The following GLIS3 variants were observed in gnomAD, a reference collection of about 807,000 sequenced individuals.
GLIS3 encodes the protein GLIS family zinc finger 3, also known as zinc finger protein GLIS3.
A neutral mutation model predicts 78.6 loss-of-function variants in GLIS3; 53 were observed. That is an observed-to-expected ratio of 0.67 (90% confidence interval 0.54 to 0.85). The LOEUF is 0.85. Among genes scored for constraint, GLIS3 ranks in the 40% least tolerant of loss-of-function variants. The probability of loss-of-function intolerance (pLI) is 0.00; values close to 1 mark genes in which losing one functional copy is unlikely to be tolerated. For missense variants in GLIS3, 1,703 were observed against 1,231.1 expected (o/e 1.38, Z -5.74); for synonymous variants, 684 against 509.9 (o/e 1.34, Z -4.60).
chr9:4,129,896 G>A (rs190214887), intron 2 of GLIS3, among the ~76,000 whole-genome samples: 8 of 152,282 alleles, frequency 5.3e-5, no homozygotes, highest in African/African-American at 1.4e-4. Context: ...GAGACTGCCC[G>A]AATTATGACC....
At chr9:4,468,433 T>A in the GLIS3 span, among the ~76,000 whole-genome samples, 1 of 152,288 alleles carries the variant, frequency 6.6e-6, no homozygotes, top group African/African-American at 2.4e-5. Flanking sequence ...TAACAGCAGA[T>A]CTCTTGGCAG....
upstream of GLIS3, among the ~76,000 whole-genome samples, chr9:4,350,747 A>G (rs1009381852): frequency 6.6e-6 from 1 of 152,004 alleles, no homozygotes; most frequent in Non-Finnish European, 1.5e-5. Flanking sequence ...TGCTGCCTCT[A>G]TGTCTCTTCT....
intron 4 of GLIS3, among the ~76,000 whole-genome samples, chr9:4,094,250 G>A (rs1011820201): frequency 4.6e-5 from 7 of 152,194 alleles, no homozygotes; most frequent in African/African-American, 1.7e-4. Context: ...TTACCTACCA[G>A]ATTAGTAAAT....
At chr9:4,115,927 A>T (rs1469437753) in intron 4 of GLIS3, among the ~76,000 whole-genome samples, 1 of 152,134 alleles carries the variant, frequency 6.6e-6, no homozygotes, top group Non-Finnish European at 1.5e-5. Context: ...CATCTCCCAT[A>T]CCCATTCTGA....
chr9:4,132,587 G>C (rs551296597), intron 2 of GLIS3, among the ~76,000 whole-genome samples: 6 of 151,874 alleles, frequency 4.0e-5, no homozygotes, highest in African/African-American at 1.2e-4. Context: ...CTTATCAAAT[G>C]CCAACCACTA....
chr9:4,069,711 A>G (rs1287491434), intron 4 of GLIS3, among the ~76,000 whole-genome samples: 2 of 152,184 alleles, frequency 1.3e-5, no homozygotes, highest in Non-Finnish European at 2.9e-5. Context: ...GCATACTTAC[A>G]GGGAAATTAA....
At chr9:4,022,155 C>T (rs1015002739) in intron 4 of GLIS3, among the ~76,000 whole-genome samples, 19 of 151,968 alleles carry the variant, frequency 1.3e-4, no homozygotes, top group African/African-American at 4.6e-4. Flanking sequence ...CTTACAGCAG[C>T]CTGCTAAAAT....
chr9:4,412,704 C>G, the GLIS3 span, among the ~76,000 whole-genome samples: 2 of 152,250 alleles, frequency 1.3e-5, no homozygotes, highest in Non-Finnish European at 2.9e-5. Flanking sequence ...TCTTCCTGGG[C>G]CAGTAACTAG....
the GLIS3 span, among the ~76,000 whole-genome samples, chr9:4,409,908 T>A: frequency 2.6e-5 from 4 of 152,326 alleles, no homozygotes; most frequent in East Asian, 7.7e-4. Context: ...TTATTTTTAC[T>A]ATCTTTTTTG....
intron 2 of GLIS3, among the ~76,000 whole-genome samples, chr9:4,324,954 G>A (rs1228408439): frequency 6.6e-6 from 1 of 152,196 alleles, no homozygotes; most frequent in African/African-American, 2.4e-5. Flanking sequence ...AGAACTTACT[G>A]TGTGCTAGGT....
At chr9:4,461,990 T>C in the GLIS3 span, among the ~76,000 whole-genome samples, 1 of 152,182 alleles carries the variant, frequency 6.6e-6, no homozygotes, top group Non-Finnish European at 1.5e-5. Flanking sequence ...GTAAAAACTA[T>C]AAGATCTACA....
chr9:4,082,453 G>A (rs563332791), intron 4 of GLIS3, among the ~76,000 whole-genome samples: 70 of 152,236 alleles, frequency 4.6e-4, no homozygotes, highest in Non-Finnish European at 8.8e-4. Context: ...TTTGAAATGG[G>A]GTGGGCAAGA....
the GLIS3 span, among the ~76,000 whole-genome samples, chr9:4,467,951 G>C: frequency 6.6e-6 from 1 of 152,214 alleles, no homozygotes; most frequent in Non-Finnish European, 1.5e-5. Context: ...TAAATGACCT[G>C]ATGGAGCTGA....
chr9:3,930,031 C>T (rs899994252), intron 6 of GLIS3, among the ~76,000 whole-genome samples: 1 of 152,166 alleles, frequency 6.6e-6, no homozygotes, highest in African/African-American at 2.4e-5. Flanking sequence ...TGTGGATTGA[C>T]TAGTTTCAGG....
intron 4 of GLIS3, among the ~76,000 whole-genome samples, chr9:3,945,502 T>A (rs1355112556): frequency 9.9e-5 from 15 of 152,156 alleles, no homozygotes; most frequent in Non-Finnish European, 2.2e-4. Context: ...TCATCTTACC[T>A]TTCCTGCATT....
intron 2 of GLIS3, among the ~76,000 whole-genome samples, chr9:4,235,484 G>A (rs991767260): frequency 6.6e-6 from 1 of 152,156 alleles, no homozygotes; most frequent in Non-Finnish European, 1.5e-5. Context: ...CTGGAATTAT[G>A]TTCAGAAGGT....
chr9:3,849,711 C>G (rs1435402008), intron 9 of GLIS3, among the ~76,000 whole-genome samples: 2 of 152,082 alleles, frequency 1.3e-5, no homozygotes, highest in African/African-American at 4.8e-5. Flanking sequence ...AGTTCAAGAC[C>G]AGTCTGGCCC....
intron 2 of GLIS3, among the ~76,000 whole-genome samples, chr9:4,194,381 G>C (rs1402324352): frequency 6.6e-6 from 1 of 152,092 alleles, no homozygotes; most frequent in Non-Finnish European, 1.5e-5. Flanking sequence ...TTTTTTAAAA[G>C]GCAGAGGTAA....
At chr9:4,438,255 G>A in the GLIS3 span, among the ~76,000 whole-genome samples, 1 of 152,118 alleles carries the variant, frequency 6.6e-6, no homozygotes, top group Non-Finnish European at 1.5e-5. Context: ...GTACCCTCAT[G>A]CCACCCCAAT....
Sources: gnomAD v4.1 joint callset for allele counts (sites outside exome capture counted in the v4.1 genomes callset) on GRCh38, gnomAD v4.1.1 for gene constraint, MANE v1.5 for transcripts, NCBI Gene and HGNC (gene_info 2026-07-23, HGNC 2026-07-21) for gene names.